Variants in GRM7 observed in about 807,000 individuals in gnomAD.
The protein encoded by GRM7 is metabotropic glutamate receptor 7.
GRM7 carries 35 observed loss-of-function variants against 84.5 expected under a neutral mutation model. That is an observed-to-expected ratio of 0.41 (90% CI 0.32 to 0.55). GRM7 has a LOEUF of 0.55. Among genes scored for constraint, GRM7 ranks in the 20% least tolerant of loss-of-function variants. The pLI is 0.19. For missense variants in GRM7, 1,003 were observed against 1,194.6 expected (o/e 0.84, Z 2.36); for synonymous variants, 487 against 455.1 (o/e 1.07, Z -0.89).
intron 2 of GRM7, among the ~76,000 whole-genome samples, chr3:7,238,996 C>CTT (rs567509392): frequency 0.025 from 3,012 of 118,330 alleles, 196 homozygotes; most frequent in African/African-American, 0.069. Context: ...TTTCTTTTTT[C>CTT]CTTTTTCTTT....
At chr3:7,499,899 C>G (rs1483591478) in intron 7 of GRM7, among the ~76,000 whole-genome samples, 2 of 151,998 alleles carry the variant, frequency 1.3e-5, no homozygotes, top group Admixed American at 6.6e-5. Flanking sequence ...CTCAGCCTCC[C>G]AAATAGCTGG....
chr3:7,454,081 T>TACACACACACACACACAC (rs141029901), intron 6 of GRM7, among the ~76,000 whole-genome samples: 18 of 142,692 alleles, frequency 1.3e-4, no homozygotes, highest in South Asian at 2.3e-4. Context: ...CATGAAAAGC[T>TACACACACACACACACAC]ACACACACAC....
intron 1 of GRM7, among the ~76,000 whole-genome samples, chr3:6,872,201 C>A (rs569372460): frequency 6.6e-6 from 1 of 152,274 alleles, no homozygotes; most frequent in East Asian, 1.9e-4. Context: ...GTCCCGCCAT[C>A]CTTATGAGGA....
chr3:7,730,529 G>T (rs758911556), intron 9 of GRM7, among the ~76,000 whole-genome samples: 3 of 152,166 alleles, frequency 2.0e-5, no homozygotes, highest in African/African-American at 4.8e-5. Context: ...TGTGCCACTG[G>T]TTTATAGCCA....
intron 4 of GRM7, among the ~76,000 whole-genome samples, chr3:7,320,171 T>G (rs1459012665): frequency 6.6e-6 from 1 of 152,052 alleles, no homozygotes; most frequent in South Asian, 2.1e-4. Context: ...TGTGTTTGTG[T>G]GTATCTATGT....
At position 7,343,519 on chromosome 3, in the gene GRM7, G is replaced by A. The variant is rs371274619; in HGVS notation, c.1033+36867G>A. Among the ~76,000 whole-genome samples the A allele has an allele frequency of 3.7e-4, 57 of 152,158 alleles. 1 individual carries two copies. The South Asian group carries it at 9.1e-3, about 24-fold the overall frequency. On this transcript the variant is annotated intron_variant, in intron 4 of 9. Coordinates refer to ENST00000357716, the MANE Select transcript of GRM7 (RefSeq NM_000844.4). ...ATAAGCCACTGCTCCTGGCCTGTAA[G>A]AATATTTATTTGCATACTATGGTAC...
chr3:7,297,830 G>A (rs1699864366), intron 2 of GRM7, among the ~76,000 whole-genome samples: 1 of 152,028 alleles, frequency 6.6e-6, no homozygotes, highest in South Asian at 2.1e-4. Context: ...CCTTTTCATC[G>A]ATGCTGGCTT....
intron 8 of GRM7, among the ~76,000 whole-genome samples, chr3:7,616,596 A>G (rs1029674695): frequency 6.6e-6 from 1 of 152,196 alleles, no homozygotes; most frequent in Non-Finnish European, 1.5e-5. Flanking sequence ...CTAGTGAATC[A>G]TGCAGTTGTT....
intron 5 of GRM7, among the ~76,000 whole-genome samples, chr3:7,428,985 C>CT (rs1321349722): frequency 1.3e-5 from 2 of 152,068 alleles, no homozygotes; most frequent in Non-Finnish European, 2.9e-5. Context: ...CTTGCTTCTT[C>CT]TTTTTGAGGG....
chr3:7,342,209 C>T (rs551048338), intron 4 of GRM7, among the ~76,000 whole-genome samples: 1 of 152,204 alleles, frequency 6.6e-6, no homozygotes, highest in South Asian at 2.1e-4. Context: ...TTTTTTCTGA[C>T]TCCATTGCAT....
intron 1 of GRM7, among the ~76,000 whole-genome samples, chr3:6,969,560 G>T (rs1484244761): frequency 2.0e-5 from 3 of 152,148 alleles, no homozygotes; most frequent in East Asian, 1.9e-4. Context: ...GCTCTGTCAG[G>T]TTCCAAAATC....
intron 1 of GRM7, among the ~76,000 whole-genome samples, chr3:6,892,269 C>T (rs759839190): frequency 6.6e-6 from 1 of 152,098 alleles, no homozygotes; most frequent in Non-Finnish European, 1.5e-5. Context: ...CTCAGAGAAG[C>T]CCTTCCAGGA....
chr3:7,281,398 C>T (rs1699246607), intron 2 of GRM7, among the ~76,000 whole-genome samples: 1 of 151,956 alleles, frequency 6.6e-6, no homozygotes, highest in African/African-American at 2.4e-5. Context: ...GGAGATTGTG[C>T]CTAAAATGTT....
rs866946534 is a variant in GRM7 at position 6,867,914 on chromosome 3, A to T, written c.519+6007A>T. ...AAGTAACCTGCTTTCAACTATATTT[A>T]CAACTAAATGTTTTTTGAATCACAT... On this transcript the variant is annotated intron_variant, in intron 1 of 9. Transcript: ENST00000357716. 5.9e-5 allele frequency among the ~76,000 whole-genome samples: 9 copies of T among 152,330 alleles called. No individual in the cohort carries two copies. In the South Asian group the frequency reaches 6.2e-4, roughly 11 times the overall value.
At chr3:7,171,744 C>T (rs917442601) in intron 2 of GRM7, among the ~76,000 whole-genome samples, 4 of 152,126 alleles carry the variant, frequency 2.6e-5, no homozygotes, top group South Asian at 2.1e-4. Flanking sequence ...GACATAGAGG[C>T]GTGACTTGAT....
intron 1 of GRM7, among the ~76,000 whole-genome samples, chr3:6,911,565 A>G (rs17046332): frequency 0.032 from 4,831 of 152,222 alleles, 251 homozygotes; most frequent in African/African-American, 0.11. Flanking sequence ...GAAACTGGAA[A>G]AAGTCATCTC....
At chr3:6,971,350 C>G (rs997150267) in intron 1 of GRM7, among the ~76,000 whole-genome samples, 3 of 152,116 alleles carry the variant, frequency 2.0e-5, no homozygotes, top group African/African-American at 7.2e-5. Context: ...AGAAATGTTG[C>G]AAGTACAGTC....
At chr3:6,912,736 A>G (rs1043373094) in intron 1 of GRM7, among the ~76,000 whole-genome samples, 13 of 152,312 alleles carry the variant, frequency 8.5e-5, no homozygotes, top group African/African-American at 3.1e-4. Flanking sequence ...TATTAATCAT[A>G]GACAAATTCT....
chr3:6,943,348 T>C (rs947802583), intron 1 of GRM7, among the ~76,000 whole-genome samples: 4 of 151,980 alleles, frequency 2.6e-5, no homozygotes, highest in African/African-American at 9.7e-5. Context: ...TACATTTAGG[T>C]CTATAGTCTA....
Sources: allele counts gnomAD v4.1 joint callset (sites outside exome capture counted in the v4.1 genomes callset), GRCh38; gene constraint gnomAD v4.1.1; transcripts MANE v1.5; gene names NCBI Gene and HGNC (gene_info 2026-07-23, HGNC 2026-07-21).